Variants in THSD7B observed in about 807,000 individuals in gnomAD.
The protein encoded by THSD7B is thrombospondin type-1 domain-containing protein 7B.
THSD7B carries 138 observed loss-of-function variants against 213.6 expected under a neutral mutation model. That is an observed-to-expected ratio of 0.65 (90% CI 0.56 to 0.74). The LOEUF is 0.74. Among genes scored for constraint, THSD7B ranks in the 30% least tolerant of loss-of-function variants. THSD7B has a pLI of 0.00. For synonymous variants in THSD7B, 742 were observed against 687.0 expected, an observed-to-expected ratio of 1.08 and a Z score of -1.25; for missense variants, 1,931 against 1,991.5, an observed-to-expected ratio of 0.97 and a Z score of 0.58.
At chr2:137,567,712 A>T (rs774275878) in intron 16 of THSD7B, among the ~76,000 whole-genome samples, 11 of 152,210 alleles carry the variant, frequency 7.2e-5, no homozygotes, top group Non-Finnish European at 1.6e-4. Flanking sequence ...GAGCAACGTT[A>T]GGAATAATGG....
In THSD7B at chr2:137,343,844, A is replaced by G. The variant is rs75110290; in HGVS notation, c.2501-61769A>G. ...AGAAAATATAATTTAACGAATGCAT[A>G]ACTTCATTCTTTTACAATGCACTGA... On this transcript the variant is annotated intron_variant, in intron 12 of 27. Transcript: ENST00000409968. Among the ~76,000 whole-genome samples, 1,448 of 151,930 alleles carry G rather than the reference A, an allele frequency of 9.5e-3. 34 individuals carry two copies. Among genetic ancestry groups the G allele is most frequent in the African/African-American group, 0.033 (1,365 of 41,492 alleles).
intron 20 of THSD7B, among the ~76,000 whole-genome samples, chr2:137,631,837 C>G (rs1049510496): frequency 6.6e-6 from 1 of 152,136 alleles, no homozygotes; most frequent in African/African-American, 2.4e-5. Flanking sequence ...TGTAGGATGT[C>G]GGACCACTCA....
intron 1 of THSD7B, among the ~76,000 whole-genome samples, chr2:136,814,644 C>T (rs1407480264): frequency 2.0e-5 from 3 of 152,058 alleles, no homozygotes; most frequent in East Asian, 1.9e-4. Flanking sequence ...GTGATCTGCC[C>T]GCCTCAGCCT....
chr2:136,923,771 T>C (rs1199117032), intron 2 of THSD7B, among the ~76,000 whole-genome samples: 1 of 152,178 alleles, frequency 6.6e-6, no homozygotes, highest in African/African-American at 2.4e-5. Context: ...AACTGTAAAT[T>C]CAAGTTCTTT....
rs986814766 is a variant in THSD7B at position 137,273,521 on chromosome 2, A to G, written c.2396+859A>G. 5.3e-5 allele frequency among the ~76,000 whole-genome samples: 8 copies of G among 152,150 alleles called. No individual in the cohort carries two copies. In the South Asian group the frequency reaches 6.2e-4, roughly 12 times the overall value. ...ATATAGGTTTTATCGGCACACTTAT[A>G]AATGCCTTTAGCAAAAATGTCCCGT... On this transcript the variant is annotated intron_variant, in intron 11 of 27. Coordinates refer to ENST00000409968, the MANE Select transcript of THSD7B (RefSeq NM_001316349.2).
rs1681631160 is a variant in THSD7B, at chr2:137,231,162, C to T, written c.1842C>T (p.Ser614=). 3.1e-6 allele frequency: 5 copies of T among 1,613,512 alleles called. No homozygotes were observed. Among genetic ancestry groups the T allele is most frequent in the Non-Finnish European group, 4.2e-6 (5 of 1,179,744 alleles). The change falls in exon 8 of 28, where the codon TCC becomes TCT. Residue 614 remains serine, a synonymous_variant. Transcript: ENST00000409968. The part of the protein sequence containing the change: ...LSEWTEWSSC[S]QSCSNKNSDG... ...AGTGGACGGAGTGGTCATCCTGTTC[C>T]CAGTCCTGTTCAAATAAAAACTCAG...
chr2:137,253,565 T>C (rs968777638), intron 10 of THSD7B, among the ~76,000 whole-genome samples: 22 of 152,216 alleles, frequency 1.4e-4, no homozygotes, highest in African/African-American at 5.3e-4. Flanking sequence ...GGTTTCATTC[T>C]CATATCTGTA....
intron 12 of THSD7B, among the ~76,000 whole-genome samples, chr2:137,285,197 G>T (rs1029358981): frequency 6.6e-6 from 1 of 152,052 alleles, no homozygotes; most frequent in Non-Finnish European, 1.5e-5. Context: ...TTTAAAGTCT[G>T]TTTTATCAGA....
intron 5 of THSD7B, among the ~76,000 whole-genome samples, chr2:137,144,953 T>C (rs749012391): frequency 6.6e-6 from 1 of 152,074 alleles, no homozygotes; most frequent in Non-Finnish European, 1.5e-5. Flanking sequence ...ACTCTAGACC[T>C]TGATTTTCTC....
At chr2:137,450,479 C>A (rs891659285) in intron 14 of THSD7B, among the ~76,000 whole-genome samples, 1 of 152,160 alleles carries the variant, frequency 6.6e-6, no homozygotes, top group Non-Finnish European at 1.5e-5. Context: ...AGGATGGACT[C>A]TTTTATAATC....
In THSD7B at chr2:137,255,838, C is replaced by T. The variant is rs963703079; in HGVS notation, c.2266+13266C>T. On this transcript the variant is annotated intron_variant, in intron 10 of 27. Transcript: ENST00000409968. The stretch of plus-strand genomic sequence containing the variant: ...TCCTGAGTGGCTGGGACTACAGGTG[C>T]GTGCCACCACGCCTGATTATTTTTA... 8.5e-5 allele frequency among the ~76,000 whole-genome samples: 13 copies of T among 152,186 alleles called. 1 individual carries two copies. The highest frequency in any genetic ancestry group is 6.2e-4 in the South Asian group (3 of 4,812).
intron 12 of THSD7B, among the ~76,000 whole-genome samples, chr2:137,404,462 T>TACACACAC (rs1282968893): frequency 2.4e-5 from 2 of 81,918 alleles, no homozygotes; most frequent in Non-Finnish European, 2.5e-5. Flanking sequence ...TATATATATA[T>TACACACAC]ATATATATAT....
intron 2 of THSD7B, among the ~76,000 whole-genome samples, chr2:136,938,556 T>A (rs1175536411): frequency 6.6e-6 from 1 of 152,210 alleles, no homozygotes; most frequent in Non-Finnish European, 1.5e-5. Context: ...TTTCAGATGC[T>A]TGTATACATA....
At chr2:137,643,978 A>G (rs1028672820) in intron 21 of THSD7B, among the ~76,000 whole-genome samples, 2 of 152,216 alleles carry the variant, frequency 1.3e-5, no homozygotes, top group African/African-American at 4.8e-5. Context: ...TATTATAGGA[A>G]AATGCCAAAT....
intron 1 of THSD7B, among the ~76,000 whole-genome samples, chr2:136,860,056 C>T (rs1219469441): frequency 4.9e-5 from 6 of 123,006 alleles, no homozygotes; most frequent in Admixed American, 2.2e-4. Context: ...CTCGCTCTGT[C>T]GCCCAGGCTG....
chr2:137,044,272 T>A (rs770639121), intron 2 of THSD7B, among the ~76,000 whole-genome samples: 24 of 152,214 alleles, frequency 1.6e-4, no homozygotes, highest in Non-Finnish European at 2.8e-4. Context: ...CTGCCAATTT[T>A]TCTGAAGATA....
At chr2:137,211,865 T>G (rs1455050914) in intron 7 of THSD7B, among the ~76,000 whole-genome samples, 3 of 152,086 alleles carry the variant, frequency 2.0e-5, no homozygotes, top group Non-Finnish European at 4.4e-5. Context: ...GAATGCAAAT[T>G]AGCCTTTGCT....
intron 14 of THSD7B, among the ~76,000 whole-genome samples, chr2:137,439,963 T>A (rs143468977): frequency 1.3e-5 from 2 of 152,150 alleles, no homozygotes; most frequent in East Asian, 3.9e-4. Context: ...ATGAACTTTC[T>A]TCTGTTCCAC....
intron 12 of THSD7B, among the ~76,000 whole-genome samples, chr2:137,302,550 T>G (rs1467272092): frequency 2.0e-5 from 3 of 152,056 alleles, no homozygotes; most frequent in African/African-American, 7.2e-5. Flanking sequence ...TTGGAGATAG[T>G]AATTGGGAGT....
Sources: gnomAD v4.1 joint callset for allele counts (sites outside exome capture counted in the v4.1 genomes callset) on GRCh38, gnomAD v4.1.1 for gene constraint, MANE v1.5 for transcripts, NCBI Gene and HGNC (gene_info 2026-07-23, HGNC 2026-07-21) for gene names.